ADARB2: variants seen among roughly 807,000 people sequenced by gnomAD.
ADARB2 encodes the protein inactive double-stranded RNA-specific editase B2.
A neutral mutation model predicts 62.2 loss-of-function variants in ADARB2; 25 were observed. The observed-to-expected ratio is 0.40, with a 90% CI of 0.29 to 0.56. The LOEUF (loss-of-function observed/expected upper bound fraction) is 0.56, where lower values mean the gene tolerates loss of function less well. Among genes scored for constraint, ADARB2 ranks in the 20% least tolerant of loss-of-function variants. The pLI, the probability that ADARB2 is intolerant of heterozygous loss-of-function variation, is 0.43. For missense variants in ADARB2, 1,071 were observed against 1,077.4 expected, an observed-to-expected ratio of 0.99 and a Z score of 0.08; for synonymous variants, 572 against 500.8, an observed-to-expected ratio of 1.14 and a Z score of -1.90.
chr10:1,216,802 G>T, intron 7 of ADARB2, 149 bp downstream of exon 7: 1 of 1,049,680 alleles, frequency 9.5e-7, no homozygotes, highest in Non-Finnish European at 1.4e-6. Flanking sequence ...ATGTGGAATG[G>T]CTGTGGAGTT....
At chr10:1,338,712 C>T (rs571931966) in intron 3 of ADARB2, among the ~76,000 whole-genome samples, 50 of 152,312 alleles carry the variant, frequency 3.3e-4, no homozygotes, top group African/African-American at 8.7e-4. Flanking sequence ...GGTCACCCCC[C>T]GACATTTTGG....
chr10:1,262,635 G>T (rs1831152976), intron 4 of ADARB2, among the ~76,000 whole-genome samples: 1 of 152,122 alleles, frequency 6.6e-6, no homozygotes, highest in Non-Finnish European at 1.5e-5. Context: ...GAAACAACAG[G>T]TGCTGGAGAG....
rs887228980 is a variant in ADARB2, at chr10:1,616,645, G to A, written c.100+120406C>T. ...TCTGTCGCTAGATGTTTGTGTGCCC[G>A]TCCAGACACACTCCGCACCACCCTG... On this transcript the variant is annotated intron_variant, in intron 1 of 9. Transcript: ENST00000381312. 1.4e-4 allele frequency among the ~76,000 whole-genome samples: 19 copies of A among 131,314 alleles called. No individual in the cohort carries two copies. The East Asian group carries it at 2.8e-3, about 20-fold the overall frequency. The allele number at this position is 131,314 out of a possible 152,430, so 86.1% of individuals were successfully genotyped here. A position where few individuals can be genotyped will look rare whatever the true frequency, so the allele number is the denominator to read the frequency against.
At chr10:1,510,130 T>TTCTTCTG (rs1831913412) in intron 1 of ADARB2, among the ~76,000 whole-genome samples, 1 of 135,426 alleles carries the variant, frequency 7.4e-6, no homozygotes, top group African/African-American at 3.0e-5. Flanking sequence ...CTTTCTTTCT[T>TTCTTCTG]TCTTTCTTTC....
chr10:1,392,357 T>C (rs1832577723), intron 1 of ADARB2, among the ~76,000 whole-genome samples: 1 of 152,190 alleles, frequency 6.6e-6, no homozygotes, highest in Admixed American at 6.5e-5. Context: ...TTCCTTCTCA[T>C]GTTTTCCTTT....
At chr10:1,328,997 A>T (rs796382584) in intron 3 of ADARB2, among the ~76,000 whole-genome samples, 8 of 47,986 alleles carry the variant, frequency 1.7e-4, no homozygotes, top group East Asian at 4.5e-4. Flanking sequence ...ACCCTGTCTT[A>T]AAAAAAAAAA....
chr10:1,480,454 T>G (rs1831452582), intron 1 of ADARB2, among the ~76,000 whole-genome samples: 1 of 152,198 alleles, frequency 6.6e-6, no homozygotes. Context: ...ATCCCAGCAC[T>G]TTGGGAGGCC....
intron 1 of ADARB2, among the ~76,000 whole-genome samples, chr10:1,467,744 A>G (rs1202568493): frequency 6.6e-6 from 1 of 152,206 alleles, no homozygotes; most frequent in South Asian, 2.1e-4. Flanking sequence ...AAATAAAAAT[A>G]AATGTTGATG....
At position 1,641,452 on chromosome 10, in the gene ADARB2, T is replaced by C. The variant is rs989156702; in HGVS notation, c.100+95599A>G. ...TAGGCTGTTGTTTAAACCACAGCAT[T>C]TTTTGAAGGAAATAAAAGGTCTGTA... is the stretch of plus-strand genomic sequence containing the variant. On this transcript the variant is annotated intron_variant, in intron 1 of 9. Transcript: ENST00000381312. Among the ~76,000 whole-genome samples the C allele has an allele frequency of 1.1e-3, 162 of 152,350 alleles. 1 individual carries two copies. The highest frequency in any genetic ancestry group is 3.7e-3 in the African/African-American group (155 of 41,578).
intron 8 of ADARB2, among the ~76,000 whole-genome samples, chr10:1,189,750 C>T (rs1836813106): frequency 1.3e-5 from 2 of 151,158 alleles, no homozygotes; most frequent in East Asian, 1.9e-4. Flanking sequence ...CCCCAGAACA[C>T]GTGGCGCTAC....
At chr10:1,241,250 C>G (rs746848270) in intron 5 of ADARB2, among the ~76,000 whole-genome samples, 34 of 151,758 alleles carry the variant, frequency 2.2e-4, no homozygotes, top group Non-Finnish European at 4.3e-4. Context: ...CAGAGCAAGA[C>G]TCCATCTCAA....
chr10:1,278,387 G>T (rs943591518), intron 3 of ADARB2, among the ~76,000 whole-genome samples: 2 of 151,690 alleles, frequency 1.3e-5, no homozygotes, highest in Non-Finnish European at 2.9e-5. Context: ...GACCCAGGTA[G>T]TGAGCACAGT....
intron 1 of ADARB2, among the ~76,000 whole-genome samples, chr10:1,607,891 G>A (rs1172658768): frequency 1.3e-5 from 2 of 152,204 alleles, no homozygotes; most frequent in Admixed American, 6.5e-5. Flanking sequence ...GCTTCTAATA[G>A]GTAAGTAGTG....
Position 1,610,848 on chromosome 10 carries a change from G to A in ADARB2, c.100+126203C>T, listed in dbSNP as rs114835067. ...CACAGACATGCACACACAAAGACTC[G>A]CAGACACACCCATACATACACATAC... On this transcript the variant is annotated intron_variant, in intron 1 of 9. Transcript: ENST00000381312. Among the ~76,000 whole-genome samples the A allele has an allele frequency of 5.0e-3, 764 of 151,792 alleles. 4 individuals carry two copies. The highest frequency in any genetic ancestry group is 0.018 in the African/African-American group (731 of 41,348).
chr10:1,226,118 C>CT (rs1309875090), intron 6 of ADARB2, among the ~76,000 whole-genome samples: 2 of 152,108 alleles, frequency 1.3e-5, no homozygotes, highest in Non-Finnish European at 2.9e-5. Flanking sequence ...TCTTTTTATT[C>CT]TTTTTTCTCT....
intron 3 of ADARB2, among the ~76,000 whole-genome samples, chr10:1,315,633 A>C (rs143752612): frequency 4.7e-4 from 72 of 152,236 alleles, no homozygotes; most frequent in African/African-American, 1.6e-3. Flanking sequence ...AATGGGCCCT[A>C]CCCTGGCCTC....
At chr10:1,663,413 G>A (rs1037104991) in intron 1 of ADARB2, among the ~76,000 whole-genome samples, 14 of 152,256 alleles carry the variant, frequency 9.2e-5, no homozygotes, top group Non-Finnish European at 1.8e-4. Flanking sequence ...TGCCACTCCC[G>A]AAACGCCCTC....
intron 1 of ADARB2, among the ~76,000 whole-genome samples, chr10:1,391,238 A>G (rs1405235229): frequency 6.6e-6 from 1 of 151,646 alleles, no homozygotes; most frequent in Non-Finnish European, 1.5e-5. Context: ...CCTGCCCAAC[A>G]ACCAATAGGC....
At chr10:1,318,473 A>C (rs1271784978) in intron 3 of ADARB2, among the ~76,000 whole-genome samples, 1 of 151,942 alleles carries the variant, frequency 6.6e-6, no homozygotes, top group African/African-American at 2.4e-5. Flanking sequence ...TACCATTTGC[A>C]CTCCTGGTGT....
Sources: gnomAD v4.1 joint callset for allele counts (sites outside exome capture counted in the v4.1 genomes callset) on GRCh38, gnomAD v4.1.1 for gene constraint, MANE v1.5 for transcripts, NCBI Gene and HGNC (gene_info 2026-07-23, HGNC 2026-07-21) for gene names.